The following ANKS1B variants were observed in gnomAD, a reference collection of about 807,000 sequenced individuals.
The protein encoded by ANKS1B is ankyrin repeat and sterile alpha motif domain containing 1B.
A neutral mutation model predicts 148.3 loss-of-function variants in ANKS1B; 36 were observed. The ratio of observed to expected loss-of-function variants is 0.24; its 90% confidence interval spans 0.19 to 0.32. The LOEUF (loss-of-function observed/expected upper bound fraction) is 0.32. Among genes scored for constraint, ANKS1B ranks in the 10% least tolerant of loss-of-function variants. The pLI is 1.00. For missense variants in ANKS1B, 1,157 were observed against 1,542.6 expected, an observed-to-expected ratio of 0.75 and a Z score of 4.19; for synonymous variants, 542 against 560.8, an observed-to-expected ratio of 0.97 and a Z score of 0.47.
chr12:98,925,352 T>A (rs2099806695), intron 17 of ANKS1B, among the ~76,000 whole-genome samples: 1 of 152,184 alleles, frequency 6.6e-6, no homozygotes, highest in African/African-American at 2.4e-5. Flanking sequence ...ATGCTTAAAA[T>A]GTAACTTAAT....
chr12:99,469,497 C>G (rs2096201218), intron 10 of ANKS1B, among the ~76,000 whole-genome samples: 1 of 151,966 alleles, frequency 6.6e-6, no homozygotes, highest in Admixed American at 6.6e-5. Flanking sequence ...ATTATGATTT[C>G]TTTCAAGGCA....
intron 17 of ANKS1B, among the ~76,000 whole-genome samples, chr12:98,832,495 C>CTGT (rs2099327212): frequency 6.6e-6 from 1 of 151,976 alleles, no homozygotes; most frequent in African/African-American, 2.4e-5. Context: ...GACAGGCTGC[C>CTGT]CTCTGTCTCT....
At chr12:99,589,240 G>C (rs1371293402) in intron 9 of ANKS1B, among the ~76,000 whole-genome samples, 2 of 152,192 alleles carry the variant, frequency 1.3e-5, no homozygotes, top group African/African-American at 2.4e-5. Flanking sequence ...TTAACAGTGA[G>C]CTCAAGTGCT....
intron 17 of ANKS1B, among the ~76,000 whole-genome samples, chr12:99,031,013 T>C (rs73386542): frequency 0.037 from 5,643 of 152,302 alleles, 356 homozygotes; most frequent in African/African-American, 0.13. Flanking sequence ...GGAACAAAAT[T>C]GGTCACAACT....
chr12:99,016,298 G>C (rs940047320), intron 17 of ANKS1B, among the ~76,000 whole-genome samples: 16 of 152,310 alleles, frequency 1.1e-4, no homozygotes, highest in African/African-American at 3.1e-4. Flanking sequence ...AGTTTTGTAA[G>C]CAAAGTAGGA....
At chr12:99,713,694 T>C (rs1448279788) in intron 8 of ANKS1B, among the ~76,000 whole-genome samples, 1 of 152,212 alleles carries the variant, frequency 6.6e-6, no homozygotes, top group East Asian at 1.9e-4. Context: ...ATAGCTTTAA[T>C]ATTCTCTAAG....
chr12:99,920,817 A>T (rs1486007867), intron 1 of ANKS1B, among the ~76,000 whole-genome samples: 3 of 152,138 alleles, frequency 2.0e-5, no homozygotes, highest in African/African-American at 7.2e-5. Flanking sequence ...TTCTTGTTCT[A>T]TTCAGGCCCT....
chr12:98,822,196 AG>A (rs1159348737), intron 19 of ANKS1B, among the ~76,000 whole-genome samples: 2 of 152,178 alleles, frequency 1.3e-5, no homozygotes, highest in Non-Finnish European at 2.9e-5. Flanking sequence ...AAATTACTTT[AG>A]GCCTATACGC....
At chr12:99,587,605 T>C (rs982331597) in intron 9 of ANKS1B, among the ~76,000 whole-genome samples, 1 of 152,162 alleles carries the variant, frequency 6.6e-6, no homozygotes, top group African/African-American at 2.4e-5. Context: ...GGGTCCTAAA[T>C]TAGGGTAGTA....
intron 12 of ANKS1B, among the ~76,000 whole-genome samples, chr12:99,323,910 T>A (rs1171216298): frequency 6.6e-6 from 1 of 152,170 alleles, no homozygotes; most frequent in African/African-American, 2.4e-5. Context: ...TATAATATTT[T>A]TTTTCCTCTT....
intron 17 of ANKS1B, among the ~76,000 whole-genome samples, chr12:98,855,386 C>G (rs2099560898): frequency 1.3e-5 from 2 of 152,184 alleles, no homozygotes; most frequent in Admixed American, 6.5e-5. Flanking sequence ...ATCTGCTGAT[C>G]TTGAAGGACT....
chr12:99,083,989 C>G (rs1025175959), intron 16 of ANKS1B: 7 of 152,140 alleles, frequency 4.6e-5, no homozygotes, highest in African/African-American at 1.7e-4. Context: ...TTCCTTTAGG[C>G]TACTTTGACA....
chr12:99,734,448 C>T (rs1411670540), intron 8 of ANKS1B, among the ~76,000 whole-genome samples: 1 of 152,116 alleles, frequency 6.6e-6, no homozygotes, highest in Non-Finnish European at 1.5e-5. Flanking sequence ...CATGCGCCAC[C>T]ACGCATGGCT....
intron 8 of ANKS1B, among the ~76,000 whole-genome samples, chr12:99,663,040 A>G (rs898994576): frequency 6.6e-6 from 1 of 152,166 alleles, no homozygotes; most frequent in Non-Finnish European, 1.5e-5. Flanking sequence ...TATTTTGTCA[A>G]TTTAAAAGGC....
At chr12:99,598,124 C>A (rs986447247) in intron 9 of ANKS1B, among the ~76,000 whole-genome samples, 2 of 152,002 alleles carry the variant, frequency 1.3e-5, no homozygotes, top group Non-Finnish European at 2.9e-5. Context: ...AGAGCTAATA[C>A]ATTGCCACAT....
intron 14 of ANKS1B, among the ~76,000 whole-genome samples, chr12:99,186,287 A>G (rs1427358129): frequency 6.6e-6 from 1 of 152,194 alleles, no homozygotes; most frequent in Admixed American, 6.5e-5. Context: ...GAGCACCTGG[A>G]GGAAGGGGCA....
At chr12:99,146,706 T>A (rs944623535) in intron 15 of ANKS1B, among the ~76,000 whole-genome samples, 1 of 152,140 alleles carries the variant, frequency 6.6e-6, no homozygotes, top group African/African-American at 2.4e-5. Context: ...CTGCCTGATC[T>A]CCTCACTCCC....
intron 17 of ANKS1B, among the ~76,000 whole-genome samples, chr12:99,032,252 T>C (rs1165069285): frequency 6.6e-6 from 1 of 152,212 alleles, no homozygotes; most frequent in African/African-American, 2.4e-5. Flanking sequence ...TACAAGAATA[T>C]TATTGTACTA....
chr12:98,820,275 G>T (rs768556783), intron 19 of ANKS1B, among the ~76,000 whole-genome samples: 1 of 152,182 alleles, frequency 6.6e-6, no homozygotes, highest in African/African-American at 2.4e-5. Context: ...TAATTTTTGT[G>T]GCCGTGGGCA....
Sources: allele counts gnomAD v4.1 joint callset (sites outside exome capture counted in the v4.1 genomes callset), GRCh38; gene constraint gnomAD v4.1.1; transcripts MANE v1.5; gene names NCBI Gene and HGNC (gene_info 2026-07-23, HGNC 2026-07-21).